Variants in TTN observed in about 807,000 individuals in gnomAD.
The protein encoded by TTN is titin, also known as connectin.
In TTN, 1,525 loss-of-function variants were observed where a neutral mutation model predicts 3,223.0. That is an observed-to-expected ratio of 0.47 (90% CI 0.45 to 0.49). The LOEUF (loss-of-function observed/expected upper bound fraction) is 0.49. TTN is among the 20% of genes least tolerant of loss of function. The pLI is 0.00. For synonymous variants in TTN, 14,094 were observed against 15,161.0 expected, an observed-to-expected ratio of 0.93 and a Z score of 5.17; for missense variants, 40,786 against 43,424.0, an observed-to-expected ratio of 0.94 and a Z score of 5.40.
chr2:178,804,253 A>G (rs1027544359), intron 2 of TTN, among the ~76,000 whole-genome samples: 5 of 152,226 alleles, frequency 3.3e-5, no homozygotes, highest in African/African-American at 9.6e-5. Context: ...GCCCAAATAT[A>G]GAATGACTAA....
Position 178,591,809 on chromosome 2 carries a change from C to T in TTN, c.60010G>A (p.Asp20004Asn). 6.2e-7 allele frequency: 1 copy of T among 1,613,332 alleles called. No homozygotes were observed. The highest frequency in any genetic ancestry group is 8.5e-7 in the Non-Finnish European group (1 of 1,179,578). The part of the protein sequence containing the change: ...VSLVWNKPDR[D>N]GGSPITGYLV... The stretch of plus-strand genomic sequence containing the variant: ...TATCCAGTGATTGGAGAACCACCAT[C>T]ACGATCCGGCTTATTCCAGACTAGG... Residue 20004 changes from aspartate (D) to asparagine (N), a missense_variant, in exon 303 of 363, where the codon GAT becomes AAT. By Grantham distance (23) the Asp-to-Asn change is conservative (BLOSUM62 1). Coordinates refer to ENST00000589042, the MANE Select transcript of TTN (RefSeq NM_001267550.2).
chr2:178,790,353 G>A (rs1023302499), intron 11 of TTN, among the ~76,000 whole-genome samples: 2 of 152,180 alleles, frequency 1.3e-5, no homozygotes, highest in Admixed American at 6.5e-5. Flanking sequence ...AGACTAATGA[G>A]TGCTATTTTG....
chr2:178,602,318 C>T lies in TTN; in HGVS notation c.55084G>A (p.Asp18362Asn). The change falls in exon 283 of 363, where the codon GAT (aspartate) becomes AAT (asparagine). Residue 18362 changes from aspartate (D) to asparagine (N), a missense_variant. Physicochemically the swap from Asp to Asn is conservative, Grantham distance 23. Coordinates refer to ENST00000589042, the MANE Select transcript of TTN (RefSeq NM_001267550.2). ...VNEAGESEPS[D>N]TTGEIPATDI... ...GTGGCAGGGATCTCCCCAGTTGTATCACTTGGTTCAGATTCACCAGCTTCA... is the reference window on the plus strand; with the variant it reads ...GTGGCAGGGATCTCCCCAGTTGTATTACTTGGTTCAGATTCACCAGCTTCA... The T allele has an allele frequency of 6.2e-7, 1 of 1,612,876 alleles. No homozygotes were observed. The highest frequency in any genetic ancestry group is 8.5e-7 in the Non-Finnish European group (1 of 1,179,302).
At chr2:178,802,061 T>C in intron 3 of TTN, 77 bp downstream of exon 3, 1 of 1,579,294 alleles carries the variant, frequency 6.3e-7, no homozygotes, top group Non-Finnish European at 8.7e-7. Context: ...GCCCATAGCT[T>C]TTTCTGGACT....
chr2:178,678,403 A>G lies in TTN; in HGVS notation c.33910+11T>C, dbSNP rs1357644005. On this transcript the variant is annotated intron_variant, in intron 144 of 362. Transcript: ENST00000589042. ...TTTCCCCCAAGTACTCTAAGTGATG[A>G]AATTATGTACCTTTTGCAGGTGGAG... is the stretch of plus-strand genomic sequence containing the variant. The G allele has an allele frequency of 1.9e-6, 3 of 1,577,182 alleles. No individual in the cohort carries two copies. In the African/African-American group the frequency reaches 4.1e-5, roughly 21 times the overall value.
In TTN at chr2:178,539,762, C is replaced by A; in HGVS notation, c.98303G>T (p.Gly32768Val). 6.2e-7 allele frequency: 1 copy of A among 1,613,820 alleles called. No homozygotes were observed. The highest frequency in any genetic ancestry group is 8.5e-7 in the Non-Finnish European group (1 of 1,179,768). ...AACCAGGTCATAAGTGCCAGAATCACCCCTGTCTGCTTCTTTGATCACAAG... is the reference window on the plus strand; with the variant it reads ...AACCAGGTCATAAGTGCCAGAATCAACCCTGTCTGCTTCTTTGATCACAAG... Reference protein sequence around the residue: ...TELVIKEADRGDSGTYDLVLE... With the variant: ...TELVIKEADRVDSGTYDLVLE... Residue 32768 changes from glycine (G) to valine (V), a missense_variant, in exon 352 of 363, where the codon GGT becomes GTT. Physicochemically the swap from Gly to Val is moderately radical, Grantham distance 109 (BLOSUM62 -3). Transcript: ENST00000589042.
Position 178,594,161 on chromosome 2 carries a change from G to C in TTN, c.58232C>G (p.Ser19411Ter). Residue 19411 changes from serine to a stop codon, truncating the protein, a stop_gained, in exon 297 of 363, where the codon TCA becomes TGA. Transcript: ENST00000589042. LOFTEE classifies it high-confidence loss of function. ...GGAAACCTTAGGCTTTGGTTTGCCTGAGTAACGGCCAGTGAGGGCAAAAGC... is the reference window on the plus strand; with the variant it reads ...GGAAACCTTAGGCTTTGGTTTGCCTCAGTAACGGCCAGTGAGGGCAAAAGC... ...GEAFALTGRYSGKPKPKVSWF... is the reference protein window; with the variant it reads ...GEAFALTGRY 6.2e-7 allele frequency: 1 copy of C among 1,613,372 alleles called. No individual in the cohort carries two copies. The highest frequency in any genetic ancestry group is 8.5e-7 in the Non-Finnish European group (1 of 1,179,620).
In TTN at chr2:178,539,887, T is replaced by C. The variant is rs750062113; in HGVS notation, c.98178A>G (p.Ile32726Met). 1 of 1,613,776 alleles carries C rather than the reference T, an allele frequency of 6.2e-7. No homozygotes were observed. The highest frequency in any genetic ancestry group is 2.2e-5 in the East Asian group (1 of 44,864). ...TTGGGAATGGTTTTCCTTTGATTGG[T>C]ATGGTAAGTCTGATGACGCCACCTT... ...VRQGGVIRLTIPIKGKPFPIC... is the reference protein window; with the variant it reads ...VRQGGVIRLTMPIKGKPFPIC... Residue 32726 changes from isoleucine (I) to methionine (M), a missense_variant, in exon 352 of 363, where the codon ATA becomes ATG. Transcript: ENST00000589042.
rs752382748 is a variant in TTN, at chr2:178,620,486, G to A, written c.46035C>T (p.Asn15345=). Reference sequence around the variant, plus strand: ...ACTTATCAACTCTGTATGAGACACGGTTGTCAAAAGGCACTTCTTCACCAT... The same window carrying A: ...ACTTATCAACTCTGTATGAGACACGATTGTCAAAAGGCACTTCTTCACCAT... ...TKNGEEVPFD[N]RVSYRVDKYK... Residue 15345 remains asparagine (N), a synonymous_variant, in exon 248 of 363, where the codon AAC becomes AAT. Coordinates refer to ENST00000589042, the MANE Select transcript of TTN (RefSeq NM_001267550.2). 3 of 1,612,270 alleles carry A rather than the reference G, an allele frequency of 1.9e-6. No homozygotes were observed. Among genetic ancestry groups the A allele is most frequent in the African/African-American group, 2.7e-5 (2 of 74,792 alleles).
At chr2:178,762,585 A>T (rs1183031474) in intron 43 of TTN, among the ~76,000 whole-genome samples, 1 of 152,234 alleles carries the variant, frequency 6.6e-6, no homozygotes, top group African/African-American at 2.4e-5. Context: ...TGTTTATATT[A>T]AAAAATTCCT....
chr2:178,750,800 GTC>G, intron 47 of TTN: 2 of 1,613,090 alleles, frequency 1.2e-6, no homozygotes. Flanking sequence ...ATTTTCAGGA[GTC>G]TCATATACTT....
Position 178,552,827 on chromosome 2 carries a change from C to A in TTN, c.90073G>T (p.Val30025Leu). 6.2e-7 allele frequency: 1 copy of A among 1,613,856 alleles called. No homozygotes were observed. Among genetic ancestry groups the A allele is most frequent in the Non-Finnish European group, 8.5e-7 (1 of 1,179,796 alleles). ...IGEPCETTEP[V>L]KAAEVPAPIR... ...GGAGCTGGTACTTCAGCAGCCTTCA[C>A]TGGCTCTGTAGTTTCACAGGGTTCC... is the stretch of plus-strand genomic sequence containing the variant. The change falls in exon 335 of 363, where the codon GTG becomes TTG. Residue 30025 changes from valine to leucine, a missense_variant. Transcript: ENST00000589042.
Position 178,695,931 on chromosome 2 carries a change from C to T in TTN, c.31141G>A (p.Glu10381Lys), listed in dbSNP as rs1560454094. 7.3e-6 allele frequency: 11 copies of T among 1,501,314 alleles called. No homozygotes were observed. In the East Asian group the frequency reaches 9.9e-5, roughly 13 times the overall value. 93.0% of individuals were successfully genotyped at this position (1,501,314 alleles called of 1,614,324 possible). ...TGGTAAGCCTCTTCCCACTCTTCCT[C>T]CCCTTCGTCATAGCCTTCTTCCCTT... Reference protein sequence around the residue: ...YEREEGYDEGEEEWEEAYQER... With the variant: ...YEREEGYDEGKEEWEEAYQER... The change falls in exon 114 of 363, where the codon GAG (glutamate) becomes AAG (lysine). Residue 10381 changes from glutamate (E) to lysine (K), a missense_variant. By Grantham distance (56) the Glu-to-Lys change is moderately conservative. Transcript: ENST00000589042.
chr2:178,634,706 T>C lies in TTN; in HGVS notation c.42151+17A>G, dbSNP rs546392087. 9.9e-6 allele frequency: 16 copies of C among 1,612,648 alleles called. No homozygotes were observed. In the African/African-American group the frequency reaches 1.7e-4, roughly 18 times the overall value. ...AATAAAGTTGAGACCCCTCCCCAAA[T>C]TCTAAAAGCCCCATACCTTTTACTG... is the stretch of plus-strand genomic sequence containing the variant. On this transcript the variant is annotated intron_variant, in intron 229 of 362. Coordinates refer to ENST00000589042, the MANE Select transcript of TTN (RefSeq NM_001267550.2). The surrounding 1 kb of genome is among the most constrained non-coding windows in gnomAD (Gnocchi z 4.6).
chr2:178,684,024 T>A lies in TTN; in HGVS notation c.32781A>T (p.Lys10927Asn), dbSNP rs1250259159. 1.9e-6 allele frequency: 3 copies of A among 1,611,564 alleles called. No individual in the cohort carries two copies. The highest frequency in any genetic ancestry group is 1.3e-5 in the African/African-American group (1 of 74,704). ...CTTTAGCTGGTGGTTCCTCCTCTCT[T>A]TTAGGTTTGAGTTTCAGAACTTTTT... The part of the protein sequence containing the change: ...PEEKVLKLKP[K>N]REEEPPAKVT... The change falls in exon 133 of 363, where the codon AAA becomes AAT. Residue 10927 changes from lysine (K) to asparagine (N), a missense_variant. Lys to Asn is a moderately conservative substitution (Grantham distance 94, BLOSUM62 0). Coordinates refer to ENST00000589042, the MANE Select transcript of TTN (RefSeq NM_001267550.2).
At chr2:178,728,801 G>A in intron 65 of TTN, 23 bp from the exon 66 acceptor site, 2 of 1,586,498 alleles carry the variant, frequency 1.3e-6, no homozygotes, top group African/African-American at 2.7e-5. Context: ...TGAAAATGTG[G>A]ATGAGTTACA....
chr2:178,723,881 T>G lies in TTN; in HGVS notation c.21378A>C (p.Glu7126Asp), dbSNP rs786205315. ...CTTGTACAGTTAGCACTGCACGACA[T>G]TCATCAGACCCAGCGACATTAGCAG... ...CVAANVAGSD[E>D]CRAVLTVQEP... Residue 7126 changes from glutamate (E) to aspartate (D), a missense_variant, in exon 73 of 363, where the codon GAA (glutamate) becomes GAC (aspartate). Physicochemically the swap from Glu to Asp is conservative, Grantham distance 45. Transcript: ENST00000589042. 7 of 1,612,442 alleles carry G rather than the reference T, an allele frequency of 4.3e-6. No individual in the cohort carries two copies. The highest frequency in any genetic ancestry group is 5.9e-6 in the Non-Finnish European group (7 of 1,178,836).
rs912253842 is a variant in TTN at position 178,730,932 on chromosome 2, A to G, written c.17733T>C (p.Asn5911=). ...TAGAAGAACAATACCAACCTAATAC[A>G]TTAATTCTAGCCTTGCAGCTGCTCC... is the stretch of plus-strand genomic sequence containing the variant. ...VGRSSCKARI[N]VLDLIIPPSF... Residue 5911 remains asparagine (N), a synonymous_variant, in exon 60 of 363, where the codon AAT becomes AAC. Transcript: ENST00000589042. 24 of 1,601,286 alleles carry G rather than the reference A, an allele frequency of 1.5e-5. No individual in the cohort carries two copies. The highest frequency in any genetic ancestry group is 1.9e-5 in the Non-Finnish European group (22 of 1,172,948).
chr2:178,748,001 C>T lies in TTN; in HGVS notation c.11311+5123G>A, dbSNP rs565140436. 20 of 1,612,932 alleles carry T rather than the reference C, an allele frequency of 1.2e-5. No homozygotes were observed. In the East Asian group the frequency reaches 4.0e-4, roughly 32 times the overall value. ...AGTGGCATCTGTATATTCCTGTGTCCCACCATCCTGCTTTGGAAATGCTGC... is the reference window on the plus strand; with the variant it reads ...AGTGGCATCTGTATATTCCTGTGTCTCACCATCCTGCTTTGGAAATGCTGC... On this transcript the variant is annotated intron_variant, in intron 47 of 362. Coordinates refer to ENST00000589042, the MANE Select transcript of TTN (RefSeq NM_001267550.2).
Sources: gnomAD v4.1 joint callset for allele counts (sites outside exome capture counted in the v4.1 genomes callset) on GRCh38, gnomAD v4.1.1 for gene constraint, Gnocchi (gnomAD v3.1) non-coding constraint, MANE v1.5 for transcripts, NCBI Gene and HGNC (gene_info 2026-07-23, HGNC 2026-07-21) for gene names.